PIK3C3: variants seen among roughly 807,000 people sequenced by gnomAD.
PIK3C3 encodes phosphatidylinositol 3-kinase catalytic subunit type 3, also known as PI3-kinase type 3.
PIK3C3 carries 95 observed loss-of-function variants against 126.1 expected under a neutral mutation model. The observed-to-expected ratio is 0.75, with a 90% CI of 0.64 to 0.89. The LOEUF is 0.89. Ranked by LOEUF, PIK3C3 falls within the 40% of genes least tolerant of loss-of-function variation. The pLI, the probability that PIK3C3 is intolerant of heterozygous loss-of-function variation, is 0.00. For missense variants in PIK3C3, 829 were observed against 1,063.2 expected (o/e 0.78, Z 3.06); for synonymous variants, 374 against 360.0 (o/e 1.04, Z -0.44).
At chr18:41,975,367 T>A (rs1238217944) in intron 4 of PIK3C3, among the ~76,000 whole-genome samples, 1 of 152,236 alleles carries the variant, frequency 6.6e-6, no homozygotes, top group Non-Finnish European at 1.5e-5. Context: ...AAAATTCAGT[T>A]GCTCTGTCAC....
intron 22 of PIK3C3, among the ~76,000 whole-genome samples, chr18:42,064,517 T>C (rs989928725): frequency 1.3e-5 from 2 of 152,202 alleles, no homozygotes; most frequent in African/African-American, 4.8e-5. Context: ...TCCAAAGGTC[T>C]GTCCCATGGT....
chr18:42,064,218 T>G (rs1334742553), intron 22 of PIK3C3, among the ~76,000 whole-genome samples: 1 of 152,198 alleles, frequency 6.6e-6, no homozygotes, highest in African/African-American at 2.4e-5. Context: ...CTTATAGAAT[T>G]ACTTTTATCC....
chr18:42,026,920 G>T (rs1293077767), intron 13 of PIK3C3: 1 of 152,230 alleles, frequency 6.6e-6, no homozygotes, highest in East Asian at 1.9e-4. Flanking sequence ...GAAAGTTAAA[G>T]ATTATGTATG....
intron 16 of PIK3C3, among the ~76,000 whole-genome samples, chr18:42,036,266 A>G (rs987664887): frequency 1.3e-5 from 2 of 152,174 alleles, no homozygotes; most frequent in Non-Finnish European, 2.9e-5. Flanking sequence ...GCATACAGCA[A>G]AGTTGAAGGA....
intron 4 of PIK3C3, among the ~76,000 whole-genome samples, chr18:41,986,063 T>C (rs1981458908): frequency 1.3e-5 from 2 of 152,068 alleles, no homozygotes; most frequent in African/African-American, 4.8e-5. Flanking sequence ...CACTTAAAGC[T>C]CTTAGTACAT....
rs1357645013 is a variant in PIK3C3, at chr18:41,957,784, T to C, written c.257+26T>C. The C allele has an allele frequency of 3.2e-6, 5 of 1,544,132 alleles. No individual in the cohort carries two copies. The South Asian group carries it at 3.5e-5, about 11-fold the overall frequency. On this transcript the variant is annotated intron_variant, in intron 2 of 24. Transcript: ENST00000262039. ...GTAAGTTTTTTTGTGGCATATGGTA[T>C]GTTACAGACTGTTCTTACCTTTCTT...
At position 42,033,822 on chromosome 18, in the gene PIK3C3, C is replaced by T. The variant is rs1437744332; in HGVS notation, c.1708-4C>T. ...CCTCATTAATCCTTTCTGATTTGTT[C>T]TAGAATGAGAGACTACAGGCATTGC... On this transcript the variant is annotated splice_polypyrimidine_tract_variant and splice_region_variant and intron_variant, in intron 15 of 24. Coordinates refer to ENST00000262039, the MANE Select transcript of PIK3C3 (RefSeq NM_002647.4). The T allele has an allele frequency of 6.3e-7, 1 of 1,591,290 alleles. No individual in the cohort carries two copies. Among genetic ancestry groups the T allele is most frequent in the Non-Finnish European group, 8.6e-7 (1 of 1,166,720 alleles).
intron 18 of PIK3C3, among the ~76,000 whole-genome samples, chr18:42,040,151 C>G (rs1180209752): frequency 5.1e-5 from 6 of 116,956 alleles, no homozygotes; most frequent in Admixed American, 3.7e-4. Context: ...TGTCTGTCCC[C>G]TTTCCTTTTT....
At chr18:42,003,666 GA>G (rs1407911183) in intron 9 of PIK3C3, among the ~76,000 whole-genome samples, 3 of 152,174 alleles carry the variant, frequency 2.0e-5, no homozygotes, top group Non-Finnish European at 4.4e-5. Context: ...ACAGTCTTGT[GA>G]AAACTTCCGT....
At chr18:42,041,097 G>T (rs557783730) in intron 19 of PIK3C3, among the ~76,000 whole-genome samples, 233 of 152,016 alleles carry the variant, frequency 1.5e-3, no homozygotes, top group Non-Finnish European at 1.8e-3. Context: ...CAGGAGAATC[G>T]CTTGAACCCG....
At chr18:42,002,679 G>A (rs1253052731) in intron 9 of PIK3C3, among the ~76,000 whole-genome samples, 1 of 152,198 alleles carries the variant, frequency 6.6e-6, no homozygotes, top group African/African-American at 2.4e-5. Context: ...TGGCATTCAT[G>A]TTGTGGGGTA....
At chr18:42,006,816 G>T (rs1048576976) in intron 10 of PIK3C3, among the ~76,000 whole-genome samples, 1 of 151,188 alleles carries the variant, frequency 6.6e-6, no homozygotes, top group African/African-American at 2.4e-5. Flanking sequence ...TTAGTGAAGA[G>T]GTGTGTGGGG....
At chr18:41,993,171 T>C in intron 6 of PIK3C3, 99 bp from the exon 7 acceptor site, 1 of 611,022 alleles carries the variant, frequency 1.6e-6, no homozygotes, top group Non-Finnish European at 2.8e-6. Flanking sequence ...AAGAATGATG[T>C]TCATCAAATA....
intron 4 of PIK3C3, among the ~76,000 whole-genome samples, chr18:41,978,745 C>T (rs527776341): frequency 1.3e-5 from 2 of 152,122 alleles, no homozygotes; most frequent in East Asian, 1.9e-4. Flanking sequence ...TAATTGAAAA[C>T]CAAGATTGTT....
At chr18:41,975,311 G>A (rs1039421759) in intron 4 of PIK3C3, among the ~76,000 whole-genome samples, 1 of 152,174 alleles carries the variant, frequency 6.6e-6, no homozygotes, top group East Asian at 1.9e-4. Context: ...GCCACAAGTC[G>A]CATGTAGCAA....
chr18:42,035,314 A>G (rs1388817659), intron 16 of PIK3C3, among the ~76,000 whole-genome samples: 1 of 152,200 alleles, frequency 6.6e-6, no homozygotes, highest in Non-Finnish European at 1.5e-5. Context: ...GGACTCATCA[A>G]GAGCAGTGAA....
chr18:42,054,095 T>C (rs1984924428), intron 21 of PIK3C3, among the ~76,000 whole-genome samples: 1 of 133,110 alleles, frequency 7.5e-6, no homozygotes, highest in Non-Finnish European at 1.6e-5. Flanking sequence ...GCTCCTGTAA[T>C]ACAGGGTTCT....
At chr18:41,982,364 G>A (rs1981248885) in intron 4 of PIK3C3, among the ~76,000 whole-genome samples, 1 of 152,136 alleles carries the variant, frequency 6.6e-6, no homozygotes, top group Non-Finnish European at 1.5e-5. Context: ...TGGTTTTGTA[G>A]TTGGATCTAG....
chr18:41,974,935 C>T (rs544499193), intron 4 of PIK3C3, among the ~76,000 whole-genome samples: 74 of 152,298 alleles, frequency 4.9e-4, no homozygotes, highest in African/African-American at 1.6e-3. Context: ...ATTTTAGCAG[C>T]TCTGCTTGAT....
Sources: allele counts gnomAD v4.1 joint callset (sites outside exome capture counted in the v4.1 genomes callset), GRCh38; gene constraint gnomAD v4.1.1; transcripts MANE v1.5; gene names NCBI Gene and HGNC (gene_info 2026-07-23, HGNC 2026-07-21).